The following GAB4 variants were observed in gnomAD, a reference collection of about 807,000 sequenced individuals.
The protein encoded by GAB4 is GRB2 associated binding protein family member 4.
GAB4 carries 26 observed loss-of-function variants against 51.3 expected under a neutral mutation model. That is an observed-to-expected ratio of 0.51 (90% CI 0.37 to 0.70). GAB4 has a LOEUF of 0.70. Ranked by LOEUF, GAB4 falls within the 30% of genes least tolerant of loss-of-function variation. The pLI is 0.00. For synonymous variants in GAB4, 329 were observed against 291.2 expected (o/e 1.13, Z -1.32); for missense variants, 759 against 734.6 (o/e 1.03, Z -0.38).
At chr22:17,001,957 C>A (rs5746958) in intron 1 of GAB4, among the ~76,000 whole-genome samples, 6 of 152,132 alleles carry the variant, frequency 3.9e-5, no homozygotes. Context: ...TGGGACCCCC[C>A]GAGCCAGGTG....
intron 5 of GAB4, chr22:16,966,975 C>T (rs1354182920): frequency 1.3e-5 from 2 of 153,164 alleles, no homozygotes; most frequent in Non-Finnish European, 2.9e-5. Context: ...TATAAGAGTT[C>T]ACTACATGGG....
chr22:16,988,310 T>A, intron 2 of GAB4, 143 bp from the exon 3 acceptor site: 1 of 671,588 alleles, frequency 1.5e-6, no homozygotes, highest in Non-Finnish European at 2.7e-6. Flanking sequence ...AGAGGAGGGC[T>A]GGGGCCTCCT....
At chr22:16,968,271 G>A in intron 5 of GAB4, 27 bp downstream of exon 5, 1 of 1,556,776 alleles carries the variant, frequency 6.4e-7, no homozygotes, top group Non-Finnish European at 8.9e-7. Flanking sequence ...GAGCCAGTCT[G>A]GGGACCCCTG....
intron 8 of GAB4, 50 bp downstream of exon 8, chr22:16,964,716 G>A: frequency 7.6e-7 from 1 of 1,322,508 alleles, no homozygotes; most frequent in African/African-American, 1.5e-5. Context: ...CATGAGTGTG[G>A]GTCCCAGGGG....
Position 16,966,141 on chromosome 22 carries a change from T to A in GAB4, c.1247A>T (p.Gln416Leu). 2 of 1,614,048 alleles carry A rather than the reference T, an allele frequency of 1.2e-6. No individual in the cohort carries two copies. The highest frequency in any genetic ancestry group is 1.7e-6 in the Non-Finnish European group (2 of 1,179,966). The change falls in exon 6 of 10, where the codon CAG (glutamine) becomes CTG (leucine). Residue 416 changes from glutamine (Q) to leucine (L), a missense_variant. Coordinates refer to ENST00000400588, the MANE Select transcript of GAB4 (RefSeq NM_001037814.1). ...HQDLSQGHEV[Q>L]LPPVNRSLKP... The stretch of plus-strand genomic sequence containing the variant: ...GAGGCTGCGGTTGACAGGGGGCAGC[T>A]GGACCTCATGTCCCTGGCTGAGGTC...
In GAB4 at chr22:16,966,137, C is replaced by A. The variant is rs2060670605; in HGVS notation, c.1251G>T (p.Leu417=). The A allele has an allele frequency of 1.9e-6, 3 of 1,614,086 alleles. No homozygotes were observed. Among genetic ancestry groups the A allele is most frequent in the East Asian group, 2.2e-5 (1 of 44,878 alleles). ...QDLSQGHEVQ[L]PPVNRSLKPN... is the part of the protein sequence containing the mutation. ...GCTTGAGGCTGCGGTTGACAGGGGGCAGCTGGACCTCATGTCCCTGGCTGA... is the reference window on the plus strand; with the variant it reads ...GCTTGAGGCTGCGGTTGACAGGGGGAAGCTGGACCTCATGTCCCTGGCTGA... The change falls in exon 6 of 10, where the codon CTG becomes CTT. Residue 417 remains leucine, a synonymous_variant. Coordinates refer to ENST00000400588, the MANE Select transcript of GAB4 (RefSeq NM_001037814.1).
intron 1 of GAB4, among the ~76,000 whole-genome samples, chr22:17,000,106 G>C (rs1376276385): frequency 6.6e-6 from 1 of 152,066 alleles, no homozygotes; most frequent in African/African-American, 2.4e-5. Context: ...GCTTAGAAGA[G>C]TGTATATTCT....
intron 2 of GAB4, 28 bp from the exon 3 acceptor site, chr22:16,988,195 T>A (rs755535854): frequency 1.3e-6 from 2 of 1,534,670 alleles, no homozygotes; most frequent in South Asian, 2.3e-5. Context: ...AGGAAGGGCA[T>A]CCTTGTCCTA....
intron 3 of GAB4, among the ~76,000 whole-genome samples, chr22:16,976,547 T>C (rs868576736): frequency 6.6e-6 from 1 of 152,100 alleles, no homozygotes; most frequent in African/African-American, 2.4e-5. Context: ...GTTTGATTGG[T>C]GTATGTGAAA....
chr22:17,007,700 C>G (rs2061052640), intron 1 of GAB4, among the ~76,000 whole-genome samples: 1 of 152,154 alleles, frequency 6.6e-6, no homozygotes, highest in Admixed American at 6.5e-5. Flanking sequence ...CCTGCAGGCC[C>G]ACGGCGCTCA....
intron 3 of GAB4, among the ~76,000 whole-genome samples, chr22:16,978,127 G>C (rs976274322): frequency 3.9e-5 from 6 of 151,950 alleles, no homozygotes; most frequent in South Asian, 2.1e-4. Context: ...AAGAACTAGC[G>C]AAGCAAGAGC....
At chr22:16,970,343 T>C (rs1417587824) in intron 3 of GAB4, 150 bp from the exon 4 acceptor site, 1 of 814,782 alleles carries the variant, frequency 1.2e-6, no homozygotes, top group Non-Finnish European at 1.9e-6. Context: ...GTTTGTCTAG[T>C]TTGGGAGTTT....
At chr22:16,997,654 A>C (rs1374421534) in intron 1 of GAB4, among the ~76,000 whole-genome samples, 1 of 152,102 alleles carries the variant, frequency 6.6e-6, no homozygotes, top group Non-Finnish European at 1.5e-5. Context: ...ATTAGATCCC[A>C]TTTGGCTATT....
chr22:16,987,855 TATA>T, intron 3 of GAB4, 102 bp downstream of exon 3: 3 of 827,030 alleles, frequency 3.6e-6, no homozygotes, highest in South Asian at 1.6e-5. Context: ...CCTGGAAAGA[TATA>T]ATATTTTATG....
At chr22:16,991,532 C>T (rs1332691697) in intron 2 of GAB4, among the ~76,000 whole-genome samples, 1 of 152,150 alleles carries the variant, frequency 6.6e-6, no homozygotes, top group African/African-American at 2.4e-5. Flanking sequence ...AAAAGCAACC[C>T]CAAACAAACC....
rs2060674769 is a variant in GAB4 at position 16,966,346 on chromosome 22, C to T, written c.1042G>A (p.Gly348Ser). ...TCAGAAGCAATGCTGTCTGACAGGCCCACAAGCGTTCTTCCTGGCTAGGAA... is the reference window on the plus strand; with the variant it reads ...TCAGAAGCAATGCTGTCTGACAGGCTCACAAGCGTTCTTCCTGGCTAGGAA... The part of the protein sequence containing the change: ...CSFLPGRTLV[G>S]LSDSIASEGS... Residue 348 changes from glycine (G) to serine (S), a missense_variant, in exon 6 of 10, where the codon GGC (glycine) becomes AGC (serine). Gly to Ser is a moderately conservative substitution (Grantham distance 56). Coordinates refer to ENST00000400588, the MANE Select transcript of GAB4 (RefSeq NM_001037814.1). 6.2e-7 allele frequency: 1 copy of T among 1,611,982 alleles called. No individual in the cohort carries two copies. The highest frequency in any genetic ancestry group is 8.5e-7 in the Non-Finnish European group (1 of 1,178,766).
At chr22:16,971,859 C>T (rs896964066) in intron 3 of GAB4, among the ~76,000 whole-genome samples, 17 of 152,274 alleles carry the variant, frequency 1.1e-4, no homozygotes, top group African/African-American at 4.1e-4. Context: ...CAACATGGGC[C>T]ACCGAGCTTC....
chr22:16,970,338 T>C, intron 3 of GAB4, 145 bp from the exon 4 acceptor site: 1 of 873,954 alleles, frequency 1.1e-6, no homozygotes, highest in Middle Eastern at 3.4e-4. Flanking sequence ...CTGAGGTTTG[T>C]CTAGTTTGGG....
chr22:16,995,702 C>G (rs901427592), intron 1 of GAB4, among the ~76,000 whole-genome samples: 1 of 152,210 alleles, frequency 6.6e-6, no homozygotes, highest in Non-Finnish European at 1.5e-5. Flanking sequence ...CAAACTCCAG[C>G]AGACCTGCAG....
Sources: allele counts gnomAD v4.1 joint callset (sites outside exome capture counted in the v4.1 genomes callset), GRCh38; gene constraint gnomAD v4.1.1; transcripts MANE v1.5; gene names NCBI Gene and HGNC (gene_info 2026-07-23, HGNC 2026-07-21).